UCMA: variants seen among roughly 807,000 people sequenced by gnomAD.
The protein encoded by UCMA is upper zone of growth plate and cartilage matrix associated.
A neutral mutation model predicts 21.8 loss-of-function variants in UCMA; 21 were observed. That is an observed-to-expected ratio of 0.97 (90% CI 0.68 to 1.39). The LOEUF (loss-of-function observed/expected upper bound fraction) is 1.39. Among genes scored for constraint, UCMA ranks in the 40% most tolerant of loss-of-function variants. The probability of loss-of-function intolerance (pLI) is 0.00; values close to 1 mark genes in which losing one functional copy is unlikely to be tolerated. For missense variants in UCMA, 193 were observed against 178.9 expected, an observed-to-expected ratio of 1.08 and a Z score of -0.45; for synonymous variants, 76 against 67.9, an observed-to-expected ratio of 1.12 and a Z score of -0.58.
chr10:13,227,308 C>G (rs1447920031), intron 4 of UCMA, among the ~76,000 whole-genome samples: 1 of 152,172 alleles, frequency 6.6e-6, no homozygotes, highest in Non-Finnish European at 1.5e-5. Context: ...AGAGCTGACT[C>G]TCTCCCACAA....
chr10:13,229,324 T>A (rs952737131), intron 4 of UCMA, among the ~76,000 whole-genome samples: 1 of 151,840 alleles, frequency 6.6e-6, no homozygotes, highest in Admixed American at 6.6e-5. Flanking sequence ...AGTACCAGCC[T>A]GGCCGACATG....
At chr10:13,226,342 G>A (rs573406650) in intron 4 of UCMA, among the ~76,000 whole-genome samples, 17 of 152,060 alleles carry the variant, frequency 1.1e-4, no homozygotes, top group African/African-American at 4.1e-4. Context: ...ACAGGCACAT[G>A]CCACCAGCCA....
chr10:13,231,248 G>T (rs1157785681), intron 3 of UCMA, among the ~76,000 whole-genome samples: 1 of 152,136 alleles, frequency 6.6e-6, no homozygotes, highest in Non-Finnish European at 1.5e-5. Flanking sequence ...CGTCTGCCGT[G>T]ACCTACTTAG....
chr10:13,233,406 T>C (rs1382226864), intron 3 of UCMA, 132 bp downstream of exon 3: 1 of 715,380 alleles, frequency 1.4e-6, no homozygotes, highest in African/African-American at 1.8e-5. Flanking sequence ...CTGCAGTCCC[T>C]TTGATACCCT....
chr10:13,228,233 ATTATTTTTAG>A (rs1481918954), intron 4 of UCMA, among the ~76,000 whole-genome samples: 1 of 151,730 alleles, frequency 6.6e-6, no homozygotes, highest in African/African-American at 2.4e-5. Flanking sequence ...CTAATTTTTA[ATTATTTTTAG>A]TAGAGACAGG....
chr10:13,230,591 G>A (rs1245727982), intron 3 of UCMA, among the ~76,000 whole-genome samples: 1 of 152,124 alleles, frequency 6.6e-6, no homozygotes, highest in Admixed American at 6.6e-5. Flanking sequence ...ACACCAAATG[G>A]GGGAGACGGA....
intron 4 of UCMA, among the ~76,000 whole-genome samples, chr10:13,227,337 C>T (rs1394640974): frequency 6.6e-6 from 1 of 152,172 alleles, no homozygotes; most frequent in East Asian, 1.9e-4. Context: ...TAAACTGGGG[C>T]CTCACGTCCA....
At chr10:13,226,566 G>T (rs1031072532) in intron 4 of UCMA, among the ~76,000 whole-genome samples, 1 of 152,084 alleles carries the variant, frequency 6.6e-6, no homozygotes, top group African/African-American at 2.4e-5. Context: ...TTCAAGCAAT[G>T]CTCCCACTTT....
rs1564402774 is a variant in UCMA at position 13,227,741 on chromosome 10, A to AAAACACAC, written c.319+1869_319+1870insGTGTGTTT. Among the ~76,000 whole-genome samples, 8 of 27,492 alleles carry AAAACACAC rather than the reference A, an allele frequency of 2.9e-4. No homozygotes were observed. In the East Asian group the frequency reaches 4.4e-3, roughly 15 times the overall value. The allele number at this position is 27,492 out of a possible 152,430, so 18.0% of individuals were successfully genotyped here. On this transcript the variant is annotated intron_variant, in intron 4 of 4. Coordinates refer to ENST00000378681, the MANE Select transcript of UCMA (RefSeq NM_145314.3). ...AAAAAAAAAAAAAAAAAGGAAAGGA[A>AAAACACAC]ATACACACACACACACACACACACA...
intron 3 of UCMA, among the ~76,000 whole-genome samples, chr10:13,230,552 C>T (rs954768328): frequency 1.3e-5 from 2 of 152,152 alleles, no homozygotes; most frequent in Non-Finnish European, 2.9e-5. Context: ...CCTCAGCACG[C>T]CTCACGATCT....
At chr10:13,222,301 A>C (rs1358530233) in intron 4 of UCMA, 101 bp from the exon 5 acceptor site, 2 of 1,042,780 alleles carry the variant, frequency 1.9e-6, no homozygotes, top group Non-Finnish European at 2.8e-6. Context: ...GGTGACCTGC[A>C]CTGAGAGTGT....
Position 13,234,181 on chromosome 10 carries a change from C to T in UCMA, c.58+20G>A, listed in dbSNP as rs764693404. The T allele has an allele frequency of 8.1e-6, 13 of 1,607,724 alleles. No homozygotes were observed. The highest frequency in any genetic ancestry group is 8.5e-6 in the Non-Finnish European group (10 of 1,177,614). On this transcript the variant is annotated intron_variant, in intron 1 of 4. Transcript: ENST00000378681. ...TTACCATGTAACTAACACCCTCCACCTTGACCCTCCTGTACTCACTAGACA... is the reference window on the plus strand; with the variant it reads ...TTACCATGTAACTAACACCCTCCACTTTGACCCTCCTGTACTCACTAGACA...
intron 4 of UCMA, among the ~76,000 whole-genome samples, chr10:13,223,037 C>CA (rs1246794468): frequency 6.6e-6 from 1 of 151,758 alleles, no homozygotes; most frequent in African/African-American, 2.4e-5. Context: ...CTAACTTGGC[C>CA]AACATGGTGA....
At chr10:13,224,938 G>A (rs1834805114) in intron 4 of UCMA, among the ~76,000 whole-genome samples, 1 of 152,216 alleles carries the variant, frequency 6.6e-6, no homozygotes, top group African/African-American at 2.4e-5. Context: ...CCAGGCCCAG[G>A]CCGGAGCTTT....
intron 3 of UCMA, among the ~76,000 whole-genome samples, chr10:13,230,262 T>C (rs1205561339): frequency 6.6e-6 from 1 of 152,032 alleles, no homozygotes; most frequent in Non-Finnish European, 1.5e-5. Flanking sequence ...AAGTTATGAT[T>C]GTACTGCTGC....
intron 4 of UCMA, among the ~76,000 whole-genome samples, chr10:13,222,917 T>C (rs1003195737): frequency 2.0e-5 from 3 of 151,766 alleles, no homozygotes; most frequent in Non-Finnish European, 4.4e-5. Context: ...AATCCTCCTG[T>C]CTCAGCCTCC....
chr10:13,230,285 G>A (rs1159821265), intron 3 of UCMA, among the ~76,000 whole-genome samples: 1 of 152,038 alleles, frequency 6.6e-6, no homozygotes, highest in African/African-American at 2.4e-5. Context: ...TCCACCTTAG[G>A]CAACAGAGCG....
In UCMA at chr10:13,224,421, GGA is replaced by G; in HGVS notation, c.320-2223_320-2222del. Among the ~76,000 whole-genome samples the G allele has an allele frequency of 3.3e-5, 5 of 152,000 alleles. 2 individuals carry two copies. Among genetic ancestry groups the G allele is most frequent in the African/African-American group, 1.2e-4 (5 of 41,424 alleles). ...AGAAAAAAAGAGAAAGAAAAAGAAAGGAAAAGGAAGAAAGAAAGAAGAGTTTA... is the reference window on the plus strand; with the variant it reads ...AGAAAAAAAGAGAAAGAAAAAGAAAGAAAGGAAGAAAGAAAGAAGAGTTTA... On this transcript the variant is annotated intron_variant, in intron 4 of 4. Transcript: ENST00000378681.
chr10:13,222,140 AG>A lies in UCMA; in HGVS notation c.379del (p.Leu127CysfsTer81), dbSNP rs1834765588. The A allele has an allele frequency of 6.2e-7, 1 of 1,614,162 alleles. No homozygotes were observed. The highest frequency in any genetic ancestry group is 8.5e-7 in the Non-Finnish European group (1 of 1,180,024). ...GCGGTTGTAGAGATAGGATGGGTGC[AG>A]GCCGTCATAGTGCCACTGGCGCCAC... ...EQWRQWHYDG[L>X]HPSYLYNRHH... On this transcript the variant is annotated frameshift_variant, in exon 5 of 5. Transcript: ENST00000378681. LOFTEE classifies it high-confidence loss of function.
Sources: allele counts gnomAD v4.1 joint callset (sites outside exome capture counted in the v4.1 genomes callset), GRCh38; gene constraint gnomAD v4.1.1; transcripts MANE v1.5; gene names NCBI Gene and HGNC (gene_info 2026-07-23, HGNC 2026-07-21).